The following FOXO1 variants were observed in gnomAD, a reference collection of about 807,000 sequenced individuals.
FOXO1 encodes the protein forkhead box protein O1.
In FOXO1, 6 loss-of-function variants were observed where a neutral mutation model predicts 44.1. The observed-to-expected ratio is 0.14, with a 90% CI of 0.07 to 0.27. The LOEUF is 0.27. Ranked by LOEUF, FOXO1 falls within the 10% of genes least tolerant of loss-of-function variation. The probability of loss-of-function intolerance (pLI) is 1.00; values close to 1 mark genes in which losing one functional copy is unlikely to be tolerated. For synonymous variants in FOXO1, 380 were observed against 362.7 expected, an observed-to-expected ratio of 1.05 and a Z score of -0.54; for missense variants, 737 against 888.8, an observed-to-expected ratio of 0.83 and a Z score of 2.17.
rs529940590 is a variant in FOXO1, at chr13:40,621,094, G to A, written c.630+44489C>T. 7.9e-4 allele frequency: 210 copies of A among 265,062 alleles called. 1 individual carries two copies. The highest frequency in any genetic ancestry group is 1.4e-3 in the Non-Finnish European group (178 of 131,462). The allele number at this position is 265,062 out of a possible 1,614,324, so 16.4% of individuals were successfully genotyped here. Reference sequence around the variant, plus strand: ...ATTACAGGCAAGAGCCACCACGCCCGCCTGAATACATGATTTAACCAAAGA... The same window carrying A: ...ATTACAGGCAAGAGCCACCACGCCCACCTGAATACATGATTTAACCAAAGA... On this transcript the variant is annotated intron_variant, in intron 1 of 2. Transcript: ENST00000379561.
rs376651061 is a variant in FOXO1, at chr13:40,636,517, CTTTTTTTTTTT to C, written c.630+29055_630+29065del. 2.3e-4 allele frequency among the ~76,000 whole-genome samples: 28 copies of C among 121,976 alleles called. 1 individual carries two copies. The highest frequency in any genetic ancestry group is 5.0e-5 in the Non-Finnish European group (3 of 60,418). 80.0% of individuals were successfully genotyped at this position (121,976 alleles called of 152,430 possible). On this transcript the variant is annotated intron_variant, in intron 1 of 2. Transcript: ENST00000379561. ...AGATCCCATTTCTATTTTTCAAAAA[CTTTTTTTTTTT>C]TTTTTTTTTGAGACAGAGTTTCACT...
chr13:40,662,259 AGAGTT>A (rs1457342161), intron 1 of FOXO1, among the ~76,000 whole-genome samples: 1 of 151,952 alleles, frequency 6.6e-6, no homozygotes, highest in African/African-American at 2.4e-5. Context: ...TTATTTAACA[AGAGTT>A]AAGTGGTATA....
chr13:40,665,629 G>A lies in FOXO1; in HGVS notation c.584C>T (p.Pro195Leu). The A allele has an allele frequency of 1.3e-6, 2 of 1,491,726 alleles. No homozygotes were observed. The highest frequency in any genetic ancestry group is 1.8e-6 in the Non-Finnish European group (2 of 1,110,244). The allele number at this position is 1,491,726 out of a possible 1,614,324, so 92.4% of individuals were successfully genotyped here. ...GCTGTCACCCTTATCCTTGAAGTAGGGCACGCTCTTGACCATCCACTCGTA... is the reference window on the plus strand; with the variant it reads ...GCTGTCACCCTTATCCTTGAAGTAGAGCACGCTCTTGACCATCCACTCGTA... Reference protein sequence around the residue: ...QIYEWMVKSVPYFKDKGDSNS... With the variant: ...QIYEWMVKSVLYFKDKGDSNS... The change falls in exon 1 of 3, where the codon CCC becomes CTC. Residue 195 changes from proline to leucine, a missense_variant. Coordinates refer to ENST00000379561, the MANE Select transcript of FOXO1 (RefSeq NM_002015.4).
At chr13:40,641,495 T>G (rs957156307) in intron 1 of FOXO1, among the ~76,000 whole-genome samples, 3 of 152,032 alleles carry the variant, frequency 2.0e-5, no homozygotes, top group Non-Finnish European at 4.4e-5. Context: ...GTAAGACTTC[T>G]ACCATAGGAT....
Position 40,556,806 on chromosome 13 carries a change from G to C in FOXO1, c.*2243C>G, listed in dbSNP as rs1873770000. The stretch of plus-strand genomic sequence containing the variant: ...TTTTGGCTGTAGTTGCCTCTTTAAT[G>C]AACAAATGGGGGCTCTGAGGTTCCT... On this transcript the variant is annotated 3_prime_UTR_variant, in exon 3 of 3. Transcript: ENST00000379561. 1 of 152,180 alleles carries C rather than the reference G, an allele frequency of 6.6e-6. No homozygotes were observed. 9.4% of individuals were successfully genotyped at this position (152,180 alleles called of 1,614,324 possible).
chr13:40,561,500 T>C (rs951764733), intron 1 of FOXO1, among the ~76,000 whole-genome samples: 1 of 152,132 alleles, frequency 6.6e-6, no homozygotes, highest in Non-Finnish European at 1.5e-5. Context: ...TTTGCTTAGC[T>C]ACAATAGTAC....
intron 1 of FOXO1, among the ~76,000 whole-genome samples, chr13:40,614,589 T>C (rs766988261): frequency 4.6e-5 from 7 of 152,188 alleles, no homozygotes; most frequent in Non-Finnish European, 1.0e-4. Flanking sequence ...TTTCTCACAG[T>C]GCACAGTGGA....
chr13:40,619,457 T>A (rs1876536882), intron 1 of FOXO1: 2 of 1,246,492 alleles, frequency 1.6e-6, no homozygotes, highest in Admixed American at 3.4e-5. Context: ...TGGAGAGCTG[T>A]GAGTCGAACA....
At chr13:40,591,894 A>G (rs1053171939) in intron 1 of FOXO1, among the ~76,000 whole-genome samples, 1 of 151,986 alleles carries the variant, frequency 6.6e-6, no homozygotes, top group African/African-American at 2.4e-5. Flanking sequence ...CTTAGTAGAG[A>G]CAGGGTCTCA....
intron 1 of FOXO1, among the ~76,000 whole-genome samples, chr13:40,644,653 C>T (rs542479685): frequency 6.6e-4 from 100 of 152,212 alleles, no homozygotes; most frequent in African/African-American, 2.2e-3. Flanking sequence ...ATACAATTCC[C>T]GGTTTGATTG....
At chr13:40,575,684 A>G (rs761154000) in intron 1 of FOXO1, among the ~76,000 whole-genome samples, 19 of 152,192 alleles carry the variant, frequency 1.2e-4, no homozygotes, top group Non-Finnish European at 2.4e-4. Flanking sequence ...TTCAATGAAC[A>G]ATTATTTACT....
At chr13:40,655,689 C>A (rs1877837547) in intron 1 of FOXO1, among the ~76,000 whole-genome samples, 1 of 134,876 alleles carries the variant, frequency 7.4e-6, no homozygotes, top group Non-Finnish European at 1.5e-5. Flanking sequence ...CAGGCTCAGG[C>A]CGGAGTGTCG....
At chr13:40,635,902 G>A (rs1185690473) in intron 1 of FOXO1, among the ~76,000 whole-genome samples, 1 of 152,186 alleles carries the variant, frequency 6.6e-6, no homozygotes, top group Non-Finnish European at 1.5e-5. Context: ...CAGACCCACA[G>A]TGGCGCCCAT....
At chr13:40,629,366 T>C (rs1192157805) in intron 1 of FOXO1, among the ~76,000 whole-genome samples, 3 of 152,172 alleles carry the variant, frequency 2.0e-5, no homozygotes, top group African/African-American at 7.2e-5. Flanking sequence ...GGTCTCGAAC[T>C]CCCAACCTCA....
intron 1 of FOXO1, among the ~76,000 whole-genome samples, chr13:40,611,627 A>G (rs1381182249): frequency 6.6e-6 from 1 of 152,168 alleles, no homozygotes; most frequent in African/African-American, 2.4e-5. Context: ...TTGTGCCCCT[A>G]AACATGGATG....
intron 1 of FOXO1, chr13:40,611,023 G>A (rs981247465): frequency 1.5e-5 from 7 of 455,460 alleles, no homozygotes; most frequent in African/African-American, 1.2e-4. Flanking sequence ...AGTCTTACTT[G>A]TTGCAAACTC....
chr13:40,658,989 A>G (rs1248818242), intron 1 of FOXO1, among the ~76,000 whole-genome samples: 9 of 148,128 alleles, frequency 6.1e-5, no homozygotes, highest in South Asian at 2.2e-4. Context: ...TCCAGCCTGG[A>G]TGACTGAGCA....
At chr13:40,653,213 C>T (rs900429375) in intron 1 of FOXO1, among the ~76,000 whole-genome samples, 58 of 152,112 alleles carry the variant, frequency 3.8e-4, no homozygotes, top group African/African-American at 1.2e-3. Context: ...ATGATCCACC[C>T]GCTTCAGCCT....
At position 40,560,989 on chromosome 13, in the gene FOXO1, G is replaced by T. The variant is rs1873990664; in HGVS notation, c.631-129C>A. Reference sequence around the variant, plus strand: ...TGTGCTACAGATTTCCATCTGAACAGTCCTAATGGCTCTGAAGCCACTACA... The same window carrying T: ...TGTGCTACAGATTTCCATCTGAACATTCCTAATGGCTCTGAAGCCACTACA... On this transcript the variant is annotated intron_variant, in intron 1 of 2. Coordinates refer to ENST00000379561, the MANE Select transcript of FOXO1 (RefSeq NM_002015.4). The surrounding 1 kb of genome is among the most constrained non-coding windows in gnomAD (Gnocchi z 5.1). 2.4e-6 allele frequency: 2 copies of T among 839,370 alleles called. No homozygotes were observed. Among genetic ancestry groups the T allele is most frequent in the African/African-American group, 1.7e-5 (1 of 58,256 alleles). The allele number at this position is 839,370 out of a possible 1,614,324, so 52.0% of individuals were successfully genotyped here.
Sources: gnomAD v4.1 joint callset for allele counts (sites outside exome capture counted in the v4.1 genomes callset) on GRCh38, gnomAD v4.1.1 for gene constraint, Gnocchi (gnomAD v3.1) non-coding constraint, MANE v1.5 for transcripts, NCBI Gene and HGNC (gene_info 2026-07-23, HGNC 2026-07-21) for gene names.